Variants in MYZAP observed in about 807,000 individuals in gnomAD.
The protein encoded by MYZAP is myocardial zonula adherens protein.
Under a neutral mutation model 69.4 loss-of-function variants are expected in MYZAP, and 66 were observed. The observed-to-expected ratio is 0.95, with a 90% CI of 0.78 to 1.17. MYZAP has a LOEUF of 1.17. Among genes scored for constraint, MYZAP ranks in the 50% most tolerant of loss-of-function variants. The pLI is 0.00. For synonymous variants in MYZAP, 256 were observed against 205.9 expected (o/e 1.24, Z -2.09); for missense variants, 611 against 556.2 (o/e 1.10, Z -0.99).
intron 12 of MYZAP, among the ~76,000 whole-genome samples, chr15:57,678,687 A>G (rs1269416015): frequency 6.6e-6 from 1 of 152,094 alleles, no homozygotes; most frequent in East Asian, 1.9e-4. Flanking sequence ...AGGCCCAGTG[A>G]TTGATAAGGT....
chr15:57,673,238 GCC>G (rs2038951909), intron 11 of MYZAP, among the ~76,000 whole-genome samples: 1 of 152,002 alleles, frequency 6.6e-6, no homozygotes, highest in African/African-American at 2.4e-5. Flanking sequence ...TGTCTTTTAG[GCC>G]CCCTACCTAT....
intron 11 of MYZAP, among the ~76,000 whole-genome samples, chr15:57,667,103 C>G (rs1256753707): frequency 1.3e-5 from 2 of 152,144 alleles, no homozygotes; most frequent in Non-Finnish European, 2.9e-5. Context: ...TTGGTTTTGT[C>G]CATCCTGCAT....
At chr15:57,598,350 T>G (rs537489888) in intron 1 of MYZAP, among the ~76,000 whole-genome samples, 1 of 151,990 alleles carries the variant, frequency 6.6e-6, no homozygotes, top group Non-Finnish European at 1.5e-5. Flanking sequence ...CCCAGGGGGG[T>G]TGGTTTCAAG....
At chr15:57,625,953 C>A in intron 5 of MYZAP, 61 bp downstream of exon 5, 1 of 1,456,914 alleles carries the variant, frequency 6.9e-7, no homozygotes, top group Non-Finnish European at 9.6e-7. Context: ...GGGGACTGTG[C>A]CTTTGCAGAA....
chr15:57,675,942 T>C (rs2039091656), intron 12 of MYZAP, among the ~76,000 whole-genome samples: 1 of 152,152 alleles, frequency 6.6e-6, no homozygotes, highest in Non-Finnish European at 1.5e-5. Context: ...GGGGCACTTG[T>C]GTGTGCTTTG....
chr15:57,667,875 A>G (rs2038661177), intron 11 of MYZAP, among the ~76,000 whole-genome samples: 2 of 152,202 alleles, frequency 1.3e-5, no homozygotes, highest in Admixed American at 6.5e-5. Flanking sequence ...GAGAATTTCT[A>G]TCACCCCACC....
chr15:57,602,719 G>T (rs1225074301), intron 1 of MYZAP, among the ~76,000 whole-genome samples: 7 of 152,152 alleles, frequency 4.6e-5, no homozygotes, highest in African/African-American at 1.7e-4. Context: ...AGACTGCCTG[G>T]GTTCAAATCT....
intron 3 of MYZAP, among the ~76,000 whole-genome samples, chr15:57,620,007 G>C (rs1344309063): frequency 1.3e-5 from 2 of 152,144 alleles, no homozygotes; most frequent in Non-Finnish European, 2.9e-5. Context: ...CCCTGGCCTG[G>C]TCATTGCAGT....
intron 12 of MYZAP, among the ~76,000 whole-genome samples, chr15:57,676,455 T>TAC (rs1350626590): frequency 7.0e-6 from 1 of 143,136 alleles, no homozygotes; most frequent in Non-Finnish European, 1.5e-5. Flanking sequence ...TATATATATA[T>TAC]ATACATATAT....
chr15:57,615,952 C>T (rs899972817), intron 2 of MYZAP, among the ~76,000 whole-genome samples: 3 of 124,568 alleles, frequency 2.4e-5, no homozygotes, highest in Non-Finnish European at 5.0e-5. Context: ...TACATTGAAA[C>T]GAAGCAAAAC....
At position 57,684,805 on chromosome 15, in the gene MYZAP, T is replaced by A. The variant is rs750267962; in HGVS notation, c.*307T>A. On this transcript the variant is annotated 3_prime_UTR_variant, in exon 13 of 13. Coordinates refer to ENST00000267853, the MANE Select transcript of MYZAP (RefSeq NM_001018100.5). ...GGATTCCTTCACAATGTATTTTATT[T>A]GCTAGACTTTGGTTGGGAGGGAAAA... 6 of 213,762 alleles carry A rather than the reference T, an allele frequency of 2.8e-5. No individual in the cohort carries two copies. The highest frequency in any genetic ancestry group is 4.6e-5 in the Non-Finnish European group (5 of 108,758). 13.2% of individuals were successfully genotyped at this position (213,762 alleles called of 1,614,324 possible). A position where few individuals can be genotyped will look rare whatever the true frequency, so the allele number is the denominator to read the frequency against.
At chr15:57,595,059 T>C (rs1398085550) in intron 1 of MYZAP, among the ~76,000 whole-genome samples, 1 of 152,218 alleles carries the variant, frequency 6.6e-6, no homozygotes, top group African/African-American at 2.4e-5. Flanking sequence ...TGGTGACAGC[T>C]GACACTGAGC....
intron 10 of MYZAP, chr15:57,647,065 A>T: frequency 1.0e-6 from 1 of 985,354 alleles, no homozygotes; most frequent in Non-Finnish European, 1.2e-6. Context: ...GTGCGTTCAG[A>T]GGCCCAGTGT....
chr15:57,596,736 TG>T (rs1256616448), intron 1 of MYZAP, among the ~76,000 whole-genome samples: 2 of 152,206 alleles, frequency 1.3e-5, no homozygotes, highest in African/African-American at 4.8e-5. Context: ...TCCCTATATG[TG>T]GTCTTCTCAG....
intron 11 of MYZAP, among the ~76,000 whole-genome samples, chr15:57,662,838 C>T: frequency 6.6e-6 from 1 of 152,302 alleles, no homozygotes; most frequent in Admixed American, 6.5e-5. Flanking sequence ...TTCTTTTACT[C>T]TGTTTTTGAG....
At chr15:57,593,331 G>C (rs2140303510) in intron 1 of MYZAP, among the ~76,000 whole-genome samples, 1 of 152,140 alleles carries the variant, frequency 6.6e-6, no homozygotes, top group East Asian at 1.9e-4. Flanking sequence ...CCACAGTCCT[G>C]GCCTTACTCT....
intron 10 of MYZAP, among the ~76,000 whole-genome samples, chr15:57,654,304 G>A (rs536178747): frequency 2.6e-5 from 4 of 152,044 alleles, no homozygotes; most frequent in South Asian, 2.1e-4. Context: ...TTGTTTCAGC[G>A]GGAAACTCCT....
intron 11 of MYZAP, among the ~76,000 whole-genome samples, chr15:57,671,359 T>C (rs2038858545): frequency 6.6e-6 from 1 of 152,170 alleles, no homozygotes; most frequent in African/African-American, 2.4e-5. Flanking sequence ...TTGACTGTAA[T>C]GTGTTTCTCT....
intron 6 of MYZAP, among the ~76,000 whole-genome samples, chr15:57,631,435 C>T (rs1201147304): frequency 1.4e-5 from 2 of 147,730 alleles, no homozygotes; most frequent in Non-Finnish European, 1.5e-5. Context: ...AAGGTTTCTC[C>T]TACTCCTCCT....
Sources: allele counts gnomAD v4.1 joint callset (sites outside exome capture counted in the v4.1 genomes callset), GRCh38; gene constraint gnomAD v4.1.1; transcripts MANE v1.5; gene names NCBI Gene and HGNC (gene_info 2026-07-23, HGNC 2026-07-21).